AP2A2: variants seen among roughly 807,000 people sequenced by gnomAD.
AP2A2 encodes adaptor related protein complex 2 subunit alpha 2, also known as AP-2 complex subunit alpha-2.
In AP2A2, 32 loss-of-function variants were observed where a neutral mutation model predicts 104.2. The observed-to-expected ratio is 0.31, with a 90% CI of 0.23 to 0.41. The LOEUF (loss-of-function observed/expected upper bound fraction) is 0.41. Ranked by LOEUF, AP2A2 falls within the 10% of genes least tolerant of loss-of-function variation. The probability of loss-of-function intolerance (pLI) is 1.00; values close to 1 mark genes in which losing one functional copy is unlikely to be tolerated. For missense variants in AP2A2, 912 were observed against 1,261.0 expected, an observed-to-expected ratio of 0.72 and a Z score of 4.19; for synonymous variants, 539 against 533.3, an observed-to-expected ratio of 1.01 and a Z score of -0.15.
At chr11:971,785 C>G (rs1473152517) in intron 3 of AP2A2, among the ~76,000 whole-genome samples, 1 of 152,202 alleles carries the variant, frequency 6.6e-6, no homozygotes, top group Admixed American at 6.5e-5. Flanking sequence ...ACCGGGGGGT[C>G]CAGTTCCTGT....
In AP2A2 at chr11:993,392, C is replaced by T; in HGVS notation, c.1550+11C>T. ...AGACCCGAGATCCAGGTGAGAGGCC[C>T]TTTGCGAGTCGGGGCTGTGTGCGCT... On this transcript the variant is annotated intron_variant, in intron 12 of 21. Transcript: ENST00000448903. The surrounding 1 kb of genome is among the most constrained non-coding windows in gnomAD (Gnocchi z 8.2). 6.2e-7 allele frequency: 1 copy of T among 1,600,410 alleles called. No individual in the cohort carries two copies. The highest frequency in any genetic ancestry group is 8.5e-7 in the Non-Finnish European group (1 of 1,174,642).
chr11:934,115 C>T (rs911318330), intron 1 of AP2A2, among the ~76,000 whole-genome samples: 3 of 151,906 alleles, frequency 2.0e-5, no homozygotes, highest in African/African-American at 7.3e-5. Context: ...TTCTTTCTGC[C>T]CCATGTAGCT....
Position 1,010,658 on chromosome 11 carries a change from T to C in AP2A2, c.*33T>C. ...GATGGAAGACCAGGCTCGTGTGTCTTGTGTTGTCTTCGTCTGTGCCGTTTG... is the reference window on the plus strand; with the variant it reads ...GATGGAAGACCAGGCTCGTGTGTCTCGTGTTGTCTTCGTCTGTGCCGTTTG... On this transcript the variant is annotated 3_prime_UTR_variant, in exon 22 of 22. Transcript: ENST00000448903. 6.5e-7 allele frequency: 1 copy of C among 1,532,584 alleles called. No homozygotes were observed. Among genetic ancestry groups the C allele is most frequent in the East Asian group, 2.4e-5 (1 of 42,118 alleles). The allele number at this position is 1,532,584 out of a possible 1,614,324, so 94.9% of individuals were successfully genotyped here. A position where few individuals can be genotyped will look rare whatever the true frequency, so the allele number is the denominator to read the frequency against.
intron 1 of AP2A2, among the ~76,000 whole-genome samples, chr11:928,437 A>C (rs947996499): frequency 6.6e-6 from 1 of 152,224 alleles, no homozygotes; most frequent in African/African-American, 2.4e-5. Context: ...AGTGCCTTGG[A>C]ACGTATACCT....
At chr11:938,206 A>T (rs1180875879) in intron 1 of AP2A2, among the ~76,000 whole-genome samples, 1 of 152,162 alleles carries the variant, frequency 6.6e-6, no homozygotes, top group East Asian at 1.9e-4. Flanking sequence ...CACGAAGGCC[A>T]GCCTTTCCTT....
chr11:1,008,890 G>A, intron 18 of AP2A2: 1 of 579,828 alleles, frequency 1.7e-6, no homozygotes, highest in Non-Finnish European at 3.1e-6. Flanking sequence ...CGTCCTGCCT[G>A]AGTATGCGGC....
At position 993,725 on chromosome 11, in the gene AP2A2, G is replaced by A; in HGVS notation, c.1551-29G>A. On this transcript the variant is annotated intron_variant, in intron 12 of 21. Coordinates refer to ENST00000448903, the MANE Select transcript of AP2A2 (RefSeq NM_012305.4). The surrounding 1 kb of genome is among the most constrained non-coding windows in gnomAD (Gnocchi z 8.2). ...CTGCAGCCTGCGAGGGGACGACGGT[G>A]TCCCTGTGTTGTGCCTCCCCGTCCC... 1.3e-6 allele frequency: 2 copies of A among 1,536,274 alleles called. No individual in the cohort carries two copies. Among genetic ancestry groups the A allele is most frequent in the African/African-American group, 2.7e-5 (2 of 73,200 alleles).
chr11:995,683 A>G (rs1038768566), intron 14 of AP2A2, among the ~76,000 whole-genome samples: 22 of 88,146 alleles, frequency 2.5e-4, no homozygotes, highest in African/African-American at 9.4e-4. Context: ...AGGGCCTGCC[A>G]TGGGGCTGGT....
chr11:994,503 G>A (rs372931617), intron 14 of AP2A2, among the ~76,000 whole-genome samples: 34 of 135,696 alleles, frequency 2.5e-4, no homozygotes, highest in Non-Finnish European at 3.5e-4. Context: ...TGGACGCCCC[G>A]CTGTCTGTCC....
At chr11:971,861 G>A (rs538348956) in intron 3 of AP2A2, among the ~76,000 whole-genome samples, 5 of 152,258 alleles carry the variant, frequency 3.3e-5, no homozygotes, top group African/African-American at 1.2e-4. Flanking sequence ...TGAGAGCATC[G>A]TAGCAGAGGC....
At chr11:940,919 C>T (rs763284117) in intron 1 of AP2A2, 7 of 455,948 alleles carry the variant, frequency 1.5e-5, no homozygotes, top group Non-Finnish European at 2.2e-5. Context: ...GTTGTGAGCC[C>T]GGCTGCCATC....
intron 1 of AP2A2, among the ~76,000 whole-genome samples, chr11:945,210 G>A (rs1853791975): frequency 6.6e-6 from 1 of 152,152 alleles, no homozygotes; most frequent in South Asian, 2.1e-4. Flanking sequence ...AGCGTGGGTA[G>A]GGCCTAGTGG....
At chr11:936,522 T>G (rs1386274982) in intron 1 of AP2A2, among the ~76,000 whole-genome samples, 1 of 151,994 alleles carries the variant, frequency 6.6e-6, no homozygotes. Flanking sequence ...GCTTCTTGAG[T>G]GGCTGGGACC....
chr11:980,144 C>T (rs1401163138), intron 5 of AP2A2, among the ~76,000 whole-genome samples: 26 of 62 alleles, frequency 0.42, no homozygotes, highest in South Asian at 0.5. Context: ...TGCCCGGTGC[C>T]GTGTCCTGGA....
At chr11:1,010,331 A>G in intron 21 of AP2A2, 1 of 586,310 alleles carries the variant, frequency 1.7e-6, no homozygotes, top group Non-Finnish European at 3.0e-6. Flanking sequence ...GCCACTTTGC[A>G]CTCCCGCCAG....
chr11:992,665 G>T lies in AP2A2; in HGVS notation c.1432G>T (p.Ala478Ser). 2 of 1,613,930 alleles carry T rather than the reference G, an allele frequency of 1.2e-6. No homozygotes were observed. The highest frequency in any genetic ancestry group is 1.3e-5 in the African/African-American group (1 of 75,058). ...CAACCGGGACGACGTGCAGGGCTAC[G>T]CGGCCAAGACTGTGTTCGAGGTATG... The part of the protein sequence containing the change: ...VINRDDVQGY[A>S]AKTVFEALQA... The change falls in exon 11 of 22, where the codon GCG becomes TCG. Residue 478 changes from alanine to serine, a missense_variant. Transcript: ENST00000448903. This position sits in a 1 kb window ranked among gnomAD's most constrained non-coding sequence, Gnocchi z 6.4.
chr11:988,919 C>T (rs953086741), intron 10 of AP2A2: 1 of 574,284 alleles, frequency 1.7e-6, no homozygotes, highest in Non-Finnish European at 3.1e-6. Context: ...CACCTGAGGC[C>T]AGGAGGTTGA....
chr11:953,545 G>GCC (rs58494894), intron 1 of AP2A2, among the ~76,000 whole-genome samples: 15 of 105,946 alleles, frequency 1.4e-4, no homozygotes, highest in African/African-American at 4.3e-4. Context: ...TACCGTAAGA[G>GCC]CCCCCCCCCC....
chr11:956,513 ACCT>A (rs1301795008), intron 1 of AP2A2, among the ~76,000 whole-genome samples: 4 of 152,210 alleles, frequency 2.6e-5, no homozygotes, highest in Non-Finnish European at 5.9e-5. Flanking sequence ...CACACAACTC[ACCT>A]TACCCTGTGT....
Sources: gnomAD v4.1 joint callset for allele counts (sites outside exome capture counted in the v4.1 genomes callset) on GRCh38, gnomAD v4.1.1 for gene constraint, Gnocchi (gnomAD v3.1) non-coding constraint, MANE v1.5 for transcripts, NCBI Gene and HGNC (gene_info 2026-07-23, HGNC 2026-07-21) for gene names.